MEIS1: variants seen among roughly 807,000 people sequenced by gnomAD.
The protein encoded by MEIS1 is homeobox protein Meis1.
In MEIS1, 5 loss-of-function variants were observed where a neutral mutation model predicts 50.8. The observed-to-expected ratio is 0.10, with a 90% CI of 0.05 to 0.21. The LOEUF is 0.21. Ranked by LOEUF, MEIS1 falls within the 10% of genes least tolerant of loss-of-function variation. The pLI is 1.00. For synonymous variants in MEIS1, 176 were observed against 179.3 expected (o/e 0.98, Z 0.15); for missense variants, 318 against 517.3 (o/e 0.61, Z 3.74).
intron 3 of MEIS1, 64 bp downstream of exon 3, chr2:66,440,048 C>T (rs1260357607): frequency 2.1e-6 from 3 of 1,439,638 alleles, no homozygotes; most frequent in South Asian, 1.3e-5. Flanking sequence ...CGCCAACACA[C>T]ACGCGCGCGC....
rs767012745 is a variant in MEIS1 at position 66,530,479 on chromosome 2, C to G, written c.889-17464C>G. Among the ~76,000 whole-genome samples the G allele has an allele frequency of 1.1e-3, 168 of 152,112 alleles. 1 individual carries two copies. Among genetic ancestry groups the G allele is most frequent in the Non-Finnish European group, 2.1e-3 (140 of 68,026 alleles). On this transcript the variant is annotated intron_variant, in intron 8 of 12. Coordinates refer to ENST00000272369, the MANE Select transcript of MEIS1 (RefSeq NM_002398.3). ...CCTGTAATCCCAGCACTTTGGGAGG[C>G]CGAGGCGGGCGGATCATAAGGTCAG... is the stretch of plus-strand genomic sequence containing the variant.
chr2:66,556,569 C>A (rs954018813), intron 9 of MEIS1, among the ~76,000 whole-genome samples: 2 of 151,052 alleles, frequency 1.3e-5, no homozygotes, highest in African/African-American at 4.9e-5. Context: ...CACATACACA[C>A]GTGCATGTAA....
intron 7 of MEIS1, among the ~76,000 whole-genome samples, chr2:66,476,625 CT>C (rs1672898733): frequency 6.6e-6 from 1 of 152,164 alleles, no homozygotes; most frequent in Admixed American, 6.5e-5. Flanking sequence ...ACCTAACAAA[CT>C]GGCACAGGGG....
intron 6 of MEIS1, among the ~76,000 whole-genome samples, chr2:66,455,023 G>C (rs1050030530): frequency 5.9e-5 from 9 of 152,046 alleles, no homozygotes; most frequent in African/African-American, 2.2e-4. Context: ...GAAGCACCTG[G>C]AGTCATTAAA....
At chr2:66,436,738 T>A (rs901723466) in intron 1 of MEIS1, among the ~76,000 whole-genome samples, 1 of 152,220 alleles carries the variant, frequency 6.6e-6, no homozygotes, top group African/African-American at 2.4e-5. Flanking sequence ...TGGCAATTCC[T>A]CCTTTCTTTG....
rs1675507202 is a variant in MEIS1, at chr2:66,572,603, C to T, written c.*1395C>T. 1 of 151,824 alleles carries T rather than the reference C, an allele frequency of 6.6e-6. No homozygotes were observed. The highest frequency in any genetic ancestry group is 2.4e-5 in the African/African-American group (1 of 41,306). 9.4% of individuals were successfully genotyped at this position (151,824 alleles called of 1,614,324 possible). A position where few individuals can be genotyped will look rare whatever the true frequency, so the allele number is the denominator to read the frequency against. On this transcript the variant is annotated 3_prime_UTR_variant, in exon 13 of 13. Coordinates refer to ENST00000272369, the MANE Select transcript of MEIS1 (RefSeq NM_002398.3). The stretch of plus-strand genomic sequence containing the variant: ...TTGATAGCCTTTTTCTATCAAGAAA[C>T]CAAGGAGCTAATTATTAATAACAAT...
intron 9 of MEIS1, among the ~76,000 whole-genome samples, chr2:66,563,726 T>C (rs1430070699): frequency 1.3e-5 from 2 of 152,180 alleles, no homozygotes; most frequent in Non-Finnish European, 2.9e-5. Context: ...GTTTGACTTA[T>C]AGTGGGAGGA....
chr2:66,544,565 C>G (rs1362184378), intron 8 of MEIS1, among the ~76,000 whole-genome samples: 5 of 152,020 alleles, frequency 3.3e-5, no homozygotes, highest in Admixed American at 6.6e-5. Context: ...TTGTTGATAC[C>G]TTTTTCTCCT....
chr2:66,516,217 A>G (rs1481295514), intron 8 of MEIS1, among the ~76,000 whole-genome samples: 1 of 152,222 alleles, frequency 6.6e-6, no homozygotes, highest in Non-Finnish European at 1.5e-5. Flanking sequence ...TATTTAAAAT[A>G]TGCAGTGACT....
chr2:66,519,572 T>A (rs1232536639), intron 8 of MEIS1, among the ~76,000 whole-genome samples: 1 of 152,198 alleles, frequency 6.6e-6, no homozygotes. Context: ...GAAAGGGTTA[T>A]GCTACGCAAC....
chr2:66,461,585 G>A (rs1213724000), intron 6 of MEIS1, among the ~76,000 whole-genome samples: 1 of 152,198 alleles, frequency 6.6e-6, no homozygotes, highest in Non-Finnish European at 1.5e-5. Flanking sequence ...GAGCAAGGCT[G>A]TGAGAAGAAT....
intron 9 of MEIS1, among the ~76,000 whole-genome samples, chr2:66,557,512 C>T (rs1405707192): frequency 1.3e-5 from 2 of 152,166 alleles, no homozygotes; most frequent in African/African-American, 2.4e-5. Flanking sequence ...CTAGACATTT[C>T]ACCAATGTGA....
At chr2:66,492,575 T>C (rs1673299187) in intron 7 of MEIS1, among the ~76,000 whole-genome samples, 1 of 152,192 alleles carries the variant, frequency 6.6e-6, no homozygotes, top group Non-Finnish European at 1.5e-5. Flanking sequence ...GAGAAGGATG[T>C]CAGGAGTATG....
Position 66,571,430 on chromosome 2 carries a change from G to A in MEIS1, c.*222G>A, listed in dbSNP as rs773559481. ...CAACAGTGATGATGCATGGAGGACC[G>A]CCCCACCCTGGAATGCCAATGTCAG... On this transcript the variant is annotated 3_prime_UTR_variant, in exon 13 of 13. Coordinates refer to ENST00000272369, the MANE Select transcript of MEIS1 (RefSeq NM_002398.3). 37 of 1,604,936 alleles carry A rather than the reference G, an allele frequency of 2.3e-5. No homozygotes were observed. The highest frequency in any genetic ancestry group is 2.1e-4 in the African/African-American group (16 of 74,728).
At chr2:66,464,964 G>A (rs1452571251) in intron 7 of MEIS1, among the ~76,000 whole-genome samples, 2 of 152,174 alleles carry the variant, frequency 1.3e-5, no homozygotes, top group Non-Finnish European at 2.9e-5. Context: ...TGGATTTTGT[G>A]TTCCATTAAT....
At chr2:66,454,593 A>G (rs1450399382) in intron 6 of MEIS1, 5 of 152,082 alleles carry the variant, frequency 3.3e-5, no homozygotes, top group African/African-American at 7.2e-5. Context: ...TTTCTGCATT[A>G]TTGGATTTTT....
chr2:66,441,475 T>C lies in MEIS1; in HGVS notation c.483+11T>C. ...TTGGAATTAGAGAAGGTAATTTCTC[T>C]AGCCTCTTTTCCTTTTACTTACCCC... On this transcript the variant is annotated intron_variant, in intron 5 of 12. Transcript: ENST00000272369. 1 of 1,539,992 alleles carries C rather than the reference T, an allele frequency of 6.5e-7. No homozygotes were observed. Among genetic ancestry groups the C allele is most frequent in the Non-Finnish European group, 8.8e-7 (1 of 1,142,620 alleles).
intron 8 of MEIS1, among the ~76,000 whole-genome samples, chr2:66,519,654 T>G (rs1390337294): frequency 1.3e-5 from 2 of 152,300 alleles, no homozygotes; most frequent in African/African-American, 4.8e-5. Context: ...CTCAGCAAAT[T>G]ATAGGCCAGT....
intron 8 of MEIS1, among the ~76,000 whole-genome samples, chr2:66,522,141 T>G (rs1674138297): frequency 6.6e-6 from 1 of 152,328 alleles, no homozygotes; most frequent in African/African-American, 2.4e-5. Flanking sequence ...ATTAGTGGAA[T>G]TTGGTTCCTT....
Sources: allele counts gnomAD v4.1 joint callset (sites outside exome capture counted in the v4.1 genomes callset), GRCh38; gene constraint gnomAD v4.1.1; transcripts MANE v1.5; gene names NCBI Gene and HGNC (gene_info 2026-07-23, HGNC 2026-07-21).